The following GRIN2B variants were observed in gnomAD, a reference collection of about 807,000 sequenced individuals.
GRIN2B encodes glutamate receptor ionotropic, NMDA 2B.
Under a neutral mutation model 114.5 loss-of-function variants are expected in GRIN2B, and 5 were observed. The ratio of observed to expected loss-of-function variants is 0.04; its 90% CI spans 0.02 to 0.09. GRIN2B has a LOEUF of 0.09. Among genes scored for constraint, GRIN2B ranks in the 10% least tolerant of loss-of-function variants. The pLI is 1.00. For missense variants in GRIN2B, 1,108 were observed against 1,943.5 expected, an observed-to-expected ratio of 0.57 and a Z score of 8.08; for synonymous variants, 787 against 745.1, an observed-to-expected ratio of 1.06 and a Z score of -0.92.
At chr12:13,808,770 TAC>T (rs1864669843) in intron 3 of GRIN2B, among the ~76,000 whole-genome samples, 1 of 141,398 alleles carries the variant, frequency 7.1e-6, no homozygotes, top group Non-Finnish European at 1.6e-5. Context: ...TATATATATA[TAC>T]ATATAAAATA....
At chr12:13,631,322 C>T (rs1197914326) in intron 5 of GRIN2B, among the ~76,000 whole-genome samples, 2 of 152,180 alleles carry the variant, frequency 1.3e-5, no homozygotes, top group Non-Finnish European at 2.9e-5. Flanking sequence ...CTGTCTGTGA[C>T]TGCCCATGGG....
At chr12:13,909,276 G>T (rs754067381) in intron 2 of GRIN2B, among the ~76,000 whole-genome samples, 16 of 152,190 alleles carry the variant, frequency 1.1e-4, no homozygotes, top group Non-Finnish European at 2.2e-4. Context: ...GAGAATAACC[G>T]CAGCAAAGAA....
chr12:13,704,301 G>T (rs1035218251), intron 4 of GRIN2B, among the ~76,000 whole-genome samples: 13 of 152,084 alleles, frequency 8.5e-5, no homozygotes, highest in Non-Finnish European at 5.9e-5. Context: ...AACTCTCAAT[G>T]AGAAAGGGAA....
At chr12:13,627,161 G>A (rs567341976) in intron 5 of GRIN2B, among the ~76,000 whole-genome samples, 25 of 152,214 alleles carry the variant, frequency 1.6e-4, no homozygotes, top group African/African-American at 5.5e-4. Flanking sequence ...AGAAGCTACT[G>A]AAAAGTAAAT....
intron 2 of GRIN2B, among the ~76,000 whole-genome samples, chr12:13,927,786 C>G (rs142644864): frequency 3.3e-5 from 5 of 149,650 alleles, no homozygotes; most frequent in Non-Finnish European, 7.4e-5. Context: ...AGACCCCCAT[C>G]TCTACAAAAA....
rs1948504311 is a variant in GRIN2B, at chr12:13,558,759, A to G, written c.*4024T>C. 6.6e-6 allele frequency: 1 copy of G among 152,234 alleles called. No homozygotes were observed. The allele number at this position is 152,234 out of a possible 1,614,324, so 9.4% of individuals were successfully genotyped here. Reference sequence around the variant, plus strand: ...AAATACATATGAAGGATGTTTCCCAAGTTCTGGCTGAGGATACACAGTGAC... The same window carrying G: ...AAATACATATGAAGGATGTTTCCCAGGTTCTGGCTGAGGATACACAGTGAC... On this transcript the variant is annotated 3_prime_UTR_variant, in exon 14 of 14. Coordinates refer to ENST00000609686, the MANE Select transcript of GRIN2B (RefSeq NM_000834.5).
chr12:13,811,237 A>G (rs1350805492), intron 3 of GRIN2B, among the ~76,000 whole-genome samples: 2 of 152,238 alleles, frequency 1.3e-5, no homozygotes, highest in Non-Finnish European at 2.9e-5. Flanking sequence ...GTCAGGTGTT[A>G]TTCAGAAATG....
At chr12:13,589,270 G>T (rs895316328) in intron 10 of GRIN2B, among the ~76,000 whole-genome samples, 1 of 152,190 alleles carries the variant, frequency 6.6e-6, no homozygotes, top group African/African-American at 2.4e-5. Flanking sequence ...TACAACAGAG[G>T]CTTTAGTTAA....
At position 13,615,394 on chromosome 12, in the gene GRIN2B, A is replaced by G; in HGVS notation, c.1500+99T>C. 1 of 1,420,526 alleles carries G rather than the reference A, an allele frequency of 7.0e-7. No homozygotes were observed. The allele number at this position is 1,420,526 out of a possible 1,614,324, so 88.0% of individuals were successfully genotyped here. On this transcript the variant is annotated intron_variant, in intron 7 of 13. Transcript: ENST00000609686. This position sits in a 1 kb window ranked among gnomAD's most constrained non-coding sequence, Gnocchi z 5.8. ...CAATACATCTTATTTGCCATTTTAT[A>G]TTTTCTGAAATGCATAAAGTGAGCA...
At chr12:13,969,422 C>T (rs995527268) in intron 2 of GRIN2B, among the ~76,000 whole-genome samples, 2 of 152,186 alleles carry the variant, frequency 1.3e-5, no homozygotes, top group Non-Finnish European at 2.9e-5. Context: ...GTGTAACATT[C>T]AGCTCTCTAC....
rs925086135 is a variant in GRIN2B at position 13,557,523 on chromosome 12, G to A, written c.*5260C>T. On this transcript the variant is annotated 3_prime_UTR_variant, in exon 14 of 14. Transcript: ENST00000609686. ...CTCAGTAACATGTAATGGAGGAGAA[G>A]CATCACTCTTCTATTTTCTATGGAA... 4 of 152,182 alleles carry A rather than the reference G, an allele frequency of 2.6e-5. No homozygotes were observed. Among genetic ancestry groups the A allele is most frequent in the Admixed American group, 2.0e-4 (3 of 15,282 alleles). The allele number at this position is 152,182 out of a possible 1,614,324, so 9.4% of individuals were successfully genotyped here.
intron 9 of GRIN2B, among the ~76,000 whole-genome samples, chr12:13,611,278 C>G (rs2136474074): frequency 6.6e-6 from 1 of 152,266 alleles, no homozygotes; most frequent in South Asian, 2.1e-4. Context: ...CAGTTGTGAT[C>G]CTTTGGCACT....
At chr12:13,845,139 A>G (rs1349453110) in intron 3 of GRIN2B, among the ~76,000 whole-genome samples, 1 of 152,202 alleles carries the variant, frequency 6.6e-6, no homozygotes, top group Non-Finnish European at 1.5e-5. Flanking sequence ...TAGTTGGGAC[A>G]CACCAGTTTC....
At chr12:13,651,017 T>C (rs922388709) in intron 5 of GRIN2B, among the ~76,000 whole-genome samples, 19 of 152,128 alleles carry the variant, frequency 1.2e-4, no homozygotes, top group African/African-American at 3.6e-4. Context: ...TATGGCCTCT[T>C]ACTCTCTGCT....
Position 13,551,049 on chromosome 12 carries a change from CCACCT to C in GRIN2B, c.*11729_*11733del, listed in dbSNP as rs1948405407. 1 of 5,046 alleles carries C rather than the reference CCACCT, an allele frequency of 2.0e-4. No homozygotes were observed. The highest frequency in any genetic ancestry group is 5.9e-3 in the Non-Finnish European group (1 of 170). The allele number at this position is 5,046 out of a possible 1,614,324, so 0.3% of individuals were successfully genotyped here. On this transcript the variant is annotated 3_prime_UTR_variant, in exon 14 of 14. Transcript: ENST00000609686. ...CTTCATGTTTTTCTCAGTAAGAGTT[CCACCT>C]CCACCTAGATGCTTCACTATCCTCC...
At chr12:13,970,274 C>T (rs1867853025) in intron 2 of GRIN2B, among the ~76,000 whole-genome samples, 1 of 152,100 alleles carries the variant, frequency 6.6e-6, no homozygotes, top group Non-Finnish European at 1.5e-5. Context: ...ATGTCCATAT[C>T]GAACACAATG....
At chr12:13,782,716 G>A (rs915899268) in intron 3 of GRIN2B, among the ~76,000 whole-genome samples, 2 of 152,132 alleles carry the variant, frequency 1.3e-5, no homozygotes, top group Non-Finnish European at 1.5e-5. Flanking sequence ...CTTTCACTCA[G>A]GCGAATCAAA....
intron 2 of GRIN2B, among the ~76,000 whole-genome samples, chr12:13,933,711 G>A: frequency 6.6e-6 from 1 of 152,206 alleles, no homozygotes; most frequent in East Asian, 1.9e-4. Flanking sequence ...GAGGCCCATG[G>A]TGGAACTAGA....
intron 2 of GRIN2B, among the ~76,000 whole-genome samples, chr12:13,972,931 T>A (rs1385683472): frequency 2.6e-5 from 4 of 152,182 alleles, no homozygotes; most frequent in Non-Finnish European, 5.9e-5. Flanking sequence ...TGCACAGGTG[T>A]GTGGGGGGTG....
Sources: gnomAD v4.1 joint callset for allele counts (sites outside exome capture counted in the v4.1 genomes callset) on GRCh38, gnomAD v4.1.1 for gene constraint, Gnocchi (gnomAD v3.1) non-coding constraint, MANE v1.5 for transcripts, NCBI Gene and HGNC (gene_info 2026-07-23, HGNC 2026-07-21) for gene names.